PDZRN3: variants seen among roughly 807,000 people sequenced by gnomAD.
PDZRN3 encodes E3 ubiquitin-protein ligase PDZRN3.
Under a neutral mutation model 85.7 loss-of-function variants are expected in PDZRN3, and 38 were observed. That is an observed-to-expected ratio of 0.44 (90% CI 0.34 to 0.58). The LOEUF is 0.58. Ranked by LOEUF, PDZRN3 falls within the 20% of genes least tolerant of loss-of-function variation. The pLI, the probability that PDZRN3 is intolerant of heterozygous loss-of-function variation, is 0.01. For synonymous variants in PDZRN3, 759 were observed against 638.0 expected (o/e 1.19, Z -2.86); for missense variants, 1,629 against 1,506.4 (o/e 1.08, Z -1.35).
intron 3 of PDZRN3, among the ~76,000 whole-genome samples, chr3:73,510,639 C>T (rs1347617612): frequency 6.6e-6 from 1 of 152,102 alleles, no homozygotes; most frequent in Non-Finnish European, 1.5e-5. Flanking sequence ...GGAGGTAGAT[C>T]CAAGGACAGC....
At chr3:73,401,107 A>G (rs2106720298) in intron 4 of PDZRN3, 98 bp from the exon 5 acceptor site, 1 of 861,412 alleles carries the variant, frequency 1.2e-6, no homozygotes, top group East Asian at 2.5e-5. Flanking sequence ...AGCAATTCCC[A>G]GGGTGTGGGC....
intron 1 of PDZRN3, among the ~76,000 whole-genome samples, chr3:73,612,803 T>A (rs1702703455): frequency 6.6e-6 from 1 of 152,162 alleles, no homozygotes. Context: ...ATGATAATGG[T>A]TCCTTCTCAT....
intron 5 of PDZRN3, among the ~76,000 whole-genome samples, chr3:73,399,144 C>A (rs75524911): frequency 0.018 from 2,783 of 152,192 alleles, 84 homozygotes; most frequent in African/African-American, 0.063. Flanking sequence ...ACTAAAGAAC[C>A]CACTGCTACA....
chr3:73,537,778 C>T (rs947757915), intron 3 of PDZRN3, among the ~76,000 whole-genome samples: 4 of 142,340 alleles, frequency 2.8e-5, no homozygotes, highest in Non-Finnish European at 6.1e-5. Flanking sequence ...CGCCACCACA[C>T]CCGGCTAATT....
At chr3:73,449,872 T>G (rs1042485014) in intron 3 of PDZRN3, among the ~76,000 whole-genome samples, 1 of 152,120 alleles carries the variant, frequency 6.6e-6, no homozygotes, top group Non-Finnish European at 1.5e-5. Flanking sequence ...ACTGCATGCT[T>G]TACGTAGATG....
chr3:73,400,975 C>A lies in PDZRN3; in HGVS notation c.1201G>T (p.Asp401Tyr). Residue 401 changes from aspartate to tyrosine, a missense_variant, in exon 5 of 10, where the codon GAC becomes TAC. Physicochemically the swap from Asp to Tyr is radical, Grantham distance 160. Coordinates refer to ENST00000263666, the MANE Select transcript of PDZRN3 (RefSeq NM_015009.3). The part of the protein sequence containing the change: ...PSAHEYYDPN[D>Y]YIGDIHQEMD... ...TCCTGATGGATGTCTCCAATGTAGTCATTTGGATCGTAGTATTCATGGGCT... is the reference window on the plus strand; with the variant it reads ...TCCTGATGGATGTCTCCAATGTAGTAATTTGGATCGTAGTATTCATGGGCT... 6.2e-7 allele frequency: 1 copy of A among 1,613,666 alleles called. No individual in the cohort carries two copies. Among genetic ancestry groups the A allele is most frequent in the Non-Finnish European group, 8.5e-7 (1 of 1,179,554 alleles).
At chr3:73,396,626 T>C (rs1701642996) in intron 5 of PDZRN3, among the ~76,000 whole-genome samples, 1 of 152,224 alleles carries the variant, frequency 6.6e-6, no homozygotes, top group Non-Finnish European at 1.5e-5. Context: ...TAGTCTCCTA[T>C]TGAAATTGTA....
chr3:73,401,844 G>C (rs1701756066), intron 4 of PDZRN3: 1 of 152,218 alleles, frequency 6.6e-6, no homozygotes, highest in South Asian at 2.1e-4. Flanking sequence ...TTGTTGGCTG[G>C]GGACCCAAAC....
intron 3 of PDZRN3, among the ~76,000 whole-genome samples, chr3:73,576,384 G>C (rs1374659131): frequency 6.6e-6 from 1 of 152,150 alleles, no homozygotes; most frequent in Non-Finnish European, 1.5e-5. Flanking sequence ...CAAGACCTAT[G>C]TGTCCCATAA....
At chr3:73,477,125 C>T (rs1395194581) in intron 3 of PDZRN3, among the ~76,000 whole-genome samples, 1 of 152,122 alleles carries the variant, frequency 6.6e-6, no homozygotes, top group East Asian at 1.9e-4. Context: ...ATGCAGGCAC[C>T]ATCATTATTA....
In PDZRN3 at chr3:73,517,231, T is replaced by A. The variant is rs559623891; in HGVS notation, c.918+85123A>T. On this transcript the variant is annotated intron_variant, in intron 3 of 9. Transcript: ENST00000263666. The stretch of plus-strand genomic sequence containing the variant: ...GCCCTGTGACTTTGGCTAACTTAGT[T>A]AACCTGTATAATTTATATGTGTGAC... Among the ~76,000 whole-genome samples, 25 of 152,336 alleles carry A rather than the reference T, an allele frequency of 1.6e-4. 1 individual carries two copies. In the South Asian group the frequency reaches 4.8e-3, roughly 29 times the overall value.
intron 2 of PDZRN3, among the ~76,000 whole-genome samples, chr3:73,606,843 T>C (rs1559755964): frequency 6.6e-6 from 1 of 152,240 alleles, no homozygotes; most frequent in Non-Finnish European, 1.5e-5. Flanking sequence ...AACTGTGGAA[T>C]GGGCTAAAAG....
rs190885900 is a variant in PDZRN3, at chr3:73,568,643, C to A, written c.918+33711G>T. Among the ~76,000 whole-genome samples, 4 of 152,308 alleles carry A rather than the reference C, an allele frequency of 2.6e-5. No individual in the cohort carries two copies. In the East Asian group the frequency reaches 7.7e-4, roughly 29 times the overall value. On this transcript the variant is annotated intron_variant, in intron 3 of 9. Coordinates refer to ENST00000263666, the MANE Select transcript of PDZRN3 (RefSeq NM_015009.3). ...CAGCAGGGGATTCCCGGGCAACTCGCTTGATATGGTAGCACATGGCAGCAG... is the reference window on the plus strand; with the variant it reads ...CAGCAGGGGATTCCCGGGCAACTCGATTGATATGGTAGCACATGGCAGCAG...
At chr3:73,476,886 C>T (rs2106897508) in intron 3 of PDZRN3, among the ~76,000 whole-genome samples, 1 of 152,302 alleles carries the variant, frequency 6.6e-6, no homozygotes, top group Non-Finnish European at 1.5e-5. Flanking sequence ...TGACTGCAAC[C>T]TCATGGGACT....
intron 3 of PDZRN3, among the ~76,000 whole-genome samples, chr3:73,416,903 T>TTTTTTG (rs1702102030): frequency 1.4e-5 from 2 of 147,056 alleles, no homozygotes; most frequent in African/African-American, 5.1e-5. Flanking sequence ...TTTTTTTTTT[T>TTTTTTG]TTTTTTGAGA....
chr3:73,574,894 G>T (rs1702101004), intron 3 of PDZRN3, among the ~76,000 whole-genome samples: 1 of 152,132 alleles, frequency 6.6e-6, no homozygotes, highest in Non-Finnish European at 1.5e-5. Context: ...TTCATTTACA[G>T]CACAGTCCTA....
intron 3 of PDZRN3, among the ~76,000 whole-genome samples, chr3:73,571,800 A>T (rs1702050412): frequency 6.6e-6 from 1 of 152,198 alleles, no homozygotes; most frequent in Non-Finnish European, 1.5e-5. Context: ...GAAGAGCAGA[A>T]GTGGCAGTGA....
intron 3 of PDZRN3, among the ~76,000 whole-genome samples, chr3:73,496,729 C>T (rs1173482102): frequency 6.6e-6 from 1 of 152,042 alleles, no homozygotes; most frequent in East Asian, 1.9e-4. Context: ...AAGATACAAA[C>T]CCAAGAAAAC....
rs565611594 is a variant in PDZRN3 at position 73,601,888 on chromosome 3, C to T, written c.918+466G>A. Among the ~76,000 whole-genome samples, 15 of 111,090 alleles carry T rather than the reference C, an allele frequency of 1.4e-4. No homozygotes were observed. The East Asian group carries it at 3.5e-3, about 26-fold the overall frequency. 72.9% of individuals were successfully genotyped at this position (111,090 alleles called of 152,430 possible). ...TTGTACAACTAACAACAGGCAAAGACGACAAACTAACAGAGAGAACAATGC... is the reference window on the plus strand; with the variant it reads ...TTGTACAACTAACAACAGGCAAAGATGACAAACTAACAGAGAGAACAATGC... On this transcript the variant is annotated intron_variant, in intron 3 of 9. Coordinates refer to ENST00000263666, the MANE Select transcript of PDZRN3 (RefSeq NM_015009.3).
Sources: gnomAD v4.1 joint callset for allele counts (sites outside exome capture counted in the v4.1 genomes callset) on GRCh38, gnomAD v4.1.1 for gene constraint, MANE v1.5 for transcripts, NCBI Gene and HGNC (gene_info 2026-07-23, HGNC 2026-07-21) for gene names.